BCL9: variants seen among roughly 807,000 people sequenced by gnomAD.
The protein encoded by BCL9 is B-cell CLL/lymphoma 9 protein.
BCL9 carries 25 observed loss-of-function variants against 88.5 expected under a neutral mutation model. The ratio of observed to expected loss-of-function variants is 0.28; its 90% CI spans 0.21 to 0.39. BCL9 has a LOEUF of 0.39. Among genes scored for constraint, BCL9 ranks in the 10% least tolerant of loss-of-function variants. BCL9 has a pLI of 1.00. For missense variants in BCL9, 1,817 were observed against 1,877.8 expected (o/e 0.97, Z 0.60); for synonymous variants, 711 against 673.3 (o/e 1.06, Z -0.87).
At chr1:147,580,841 TG>T (rs1390742385) in intron 1 of BCL9, among the ~76,000 whole-genome samples, 13 of 152,218 alleles carry the variant, frequency 8.5e-5, no homozygotes, top group African/African-American at 1.2e-4. Flanking sequence ...TACTATGTGC[TG>T]GGTATTTTTC....
intron 1 of BCL9, among the ~76,000 whole-genome samples, chr1:147,600,908 A>C (rs782229910): frequency 6.6e-6 from 1 of 152,310 alleles, no homozygotes; most frequent in African/African-American, 2.4e-5. Context: ...GTGATTTCCA[A>C]AGTGGAGCCT....
intron 7 of BCL9, 59 bp downstream of exon 7, chr1:147,615,961 A>G: frequency 6.7e-7 from 1 of 1,500,008 alleles, no homozygotes; most frequent in Non-Finnish European, 9.2e-7. Context: ...TGCAAAGGAA[A>G]GGAGGTGGTG....
rs1553206278 is a variant in BCL9, at chr1:147,624,857, C to T, written c.4179C>T (p.Asn1393=). 6 of 1,614,062 alleles carry T rather than the reference C, an allele frequency of 3.7e-6. No individual in the cohort carries two copies. Among genetic ancestry groups the T allele is most frequent in the Non-Finnish European group, 5.1e-6 (6 of 1,179,986 alleles). The change falls in exon 10 of 10, where the codon AAC becomes AAT. Residue 1393 remains asparagine, a synonymous_variant. Coordinates refer to ENST00000234739, the MANE Select transcript of BCL9 (RefSeq NM_004326.4). The surrounding 1 kb of genome is among the most constrained non-coding windows in gnomAD (Gnocchi z 4.4). ...SMQGMMGPQQ[N]IMIPPQMRPR... ...AGGGCATGATGGGACCCCAACAGAA[C>T]ATCATGATCCCCCCACAGATGAGGC...
chr1:147,575,798 T>G (rs1287521960), intron 1 of BCL9, among the ~76,000 whole-genome samples: 1 of 152,190 alleles, frequency 6.6e-6, no homozygotes, highest in African/African-American at 2.4e-5. Flanking sequence ...TTGAATTTAA[T>G]AAGCCCAAGA....
chr1:147,585,891 G>A (rs1272911307), intron 1 of BCL9, among the ~76,000 whole-genome samples: 2 of 152,100 alleles, frequency 1.3e-5, no homozygotes, highest in Non-Finnish European at 2.9e-5. Flanking sequence ...GAAGGGACTT[G>A]CCTGGGTTTA....
At chr1:147,596,757 A>G (rs12059733) in intron 1 of BCL9, among the ~76,000 whole-genome samples, 2,736 of 151,792 alleles carry the variant, frequency 0.018, 75 homozygotes, top group African/African-American at 0.062. Flanking sequence ...TTCCATTCTA[A>G]CCCATCATTT....
chr1:147,556,529 C>T (rs1655123673), intron 1 of BCL9, among the ~76,000 whole-genome samples: 1 of 152,048 alleles, frequency 6.6e-6, no homozygotes, highest in Admixed American at 6.6e-5. Context: ...ACAGTCACTG[C>T]AACTTTGACC....
At chr1:147,606,268 G>C (rs1657704046) in intron 2 of BCL9, among the ~76,000 whole-genome samples, 1 of 152,146 alleles carries the variant, frequency 6.6e-6, no homozygotes, top group African/African-American at 2.4e-5. Flanking sequence ...ACATTATTCA[G>C]CTCTTAAGTT....
At chr1:147,612,262 G>A (rs1436684443) in intron 4 of BCL9, among the ~76,000 whole-genome samples, 2 of 152,082 alleles carry the variant, frequency 1.3e-5, no homozygotes, top group Non-Finnish European at 2.9e-5. Flanking sequence ...GTTATTCCCC[G>A]GACTCCCACT....
intron 1 of BCL9, among the ~76,000 whole-genome samples, chr1:147,542,882 CATCTGTAAACTCTA>C (rs1654398164): frequency 6.6e-6 from 1 of 152,098 alleles, no homozygotes; most frequent in African/African-American, 2.4e-5. Context: ...CATGCAGACG[CATCTGTAAACTCTA>C]CCTTGGAGGT....
intron 1 of BCL9, among the ~76,000 whole-genome samples, chr1:147,557,233 T>C (rs1469117353): frequency 5.3e-4 from 80 of 152,298 alleles, no homozygotes; most frequent in African/African-American, 1.9e-3. Context: ...ACAACTTGCT[T>C]GATAACATTT....
rs1041322263 is a variant in BCL9 at position 147,584,092 on chromosome 1, G to A, written c.-477-20685G>A. ...GATGGAGTTTCACTCTTGTTGCCCA[G>A]GCTGGAGTGCAATGGTGTGATCTCA... On this transcript the variant is annotated intron_variant, in intron 1 of 9. Transcript: ENST00000234739. Among the ~76,000 whole-genome samples the A allele has an allele frequency of 2.0e-5, 3 of 147,532 alleles. No individual in the cohort carries two copies. The East Asian group carries it at 6.0e-4, about 29-fold the overall frequency.
At chr1:147,594,817 T>G (rs1242110069) in intron 1 of BCL9, among the ~76,000 whole-genome samples, 1 of 152,208 alleles carries the variant, frequency 6.6e-6, no homozygotes, top group Non-Finnish European at 1.5e-5. Context: ...TTTGGTAGAA[T>G]GGTTGGGTTA....
intron 1 of BCL9, among the ~76,000 whole-genome samples, chr1:147,570,632 T>TTTC (rs1299730748): frequency 0.51 from 13,013 of 25,422 alleles, 2,173 homozygotes; most frequent in African/African-American, 0.57. Flanking sequence ...CTGATTTTCT[T>TTTC]TTTTTTCTTT....
chr1:147,587,511 C>T (rs1352846998), intron 1 of BCL9, among the ~76,000 whole-genome samples: 2 of 152,094 alleles, frequency 1.3e-5, no homozygotes, highest in South Asian at 4.1e-4. Flanking sequence ...GGAGAAACCT[C>T]GTGGGATTTT....
intron 1 of BCL9, among the ~76,000 whole-genome samples, chr1:147,576,505 C>T (rs1393570052): frequency 6.6e-6 from 1 of 152,124 alleles, no homozygotes; most frequent in African/African-American, 2.4e-5. Context: ...ACCAAAGGCA[C>T]AAAGCTTTGA....
rs1553193802 is a variant in BCL9 at position 147,541,543 on chromosome 1, T to G, written c.-609T>G. On this transcript the variant is annotated 5_prime_UTR_variant, in exon 1 of 10. Transcript: ENST00000234739. ...AGGCCCCTAAAGTGTTCCCCCTAAGTTGCTTTGATGTTGTCCTGGTGTCTT... is the reference window on the plus strand; with the variant it reads ...AGGCCCCTAAAGTGTTCCCCCTAAGGTGCTTTGATGTTGTCCTGGTGTCTT... The G allele has an allele frequency of 1.3e-5, 2 of 152,074 alleles. No individual in the cohort carries two copies. Among genetic ancestry groups the G allele is most frequent in the African/African-American group, 2.4e-5 (1 of 41,392 alleles). The allele number at this position is 152,074 out of a possible 1,614,324, so 9.4% of individuals were successfully genotyped here. A position where few individuals can be genotyped will look rare whatever the true frequency, so the allele number is the denominator to read the frequency against.
rs782443658 is a variant in BCL9 at position 147,624,743 on chromosome 1, G to A, written c.4065G>A (p.Val1355=). 1 of 1,614,156 alleles carries A rather than the reference G, an allele frequency of 6.2e-7. No homozygotes were observed. The highest frequency in any genetic ancestry group is 8.5e-7 in the Non-Finnish European group (1 of 1,180,016). ...TGATGAGCAATCCAGCTGCTGCCGT[G>A]GGCATGATTCCTGGCAAGGATCGGG... ...PTLMSNPAAA[V]GMIPGKDRGP... The change falls in exon 10 of 10, where the codon GTG becomes GTA. Residue 1355 remains valine (V), a synonymous_variant. Coordinates refer to ENST00000234739, the MANE Select transcript of BCL9 (RefSeq NM_004326.4). The surrounding 1 kb of genome is among the most constrained non-coding windows in gnomAD (Gnocchi z 4.4).
At chr1:147,565,875 TC>T (rs1339151481) in intron 1 of BCL9, among the ~76,000 whole-genome samples, 1 of 151,902 alleles carries the variant, frequency 6.6e-6, no homozygotes, top group African/African-American at 2.4e-5. Flanking sequence ...ATTAATTTCC[TC>T]CCCTCCAGAT....
Sources: gnomAD v4.1 joint callset for allele counts (sites outside exome capture counted in the v4.1 genomes callset) on GRCh38, gnomAD v4.1.1 for gene constraint, Gnocchi (gnomAD v3.1) non-coding constraint, MANE v1.5 for transcripts, NCBI Gene and HGNC (gene_info 2026-07-23, HGNC 2026-07-21) for gene names.